Variants in ZNF676 observed in about 807,000 individuals in gnomAD.
The protein encoded by ZNF676 is zinc finger protein 676.
Under a neutral mutation model 6.0 loss-of-function variants are expected in ZNF676, and 4 were observed. The ratio of observed to expected loss-of-function variants is 0.67; its 90% CI spans 0.33 to 1.53. The LOEUF (loss-of-function observed/expected upper bound fraction) is 1.53. Among genes scored for constraint, ZNF676 ranks in the 40% most tolerant of loss-of-function variants. The pLI is 0.06. For missense variants in ZNF676, 644 were observed against 679.7 expected (o/e 0.95, Z 0.58); for synonymous variants, 198 against 223.1 (o/e 0.89, Z 1.00).
the ZNF676 span, among the ~76,000 whole-genome samples, chr19:22,223,054 G>A: frequency 6.6e-6 from 1 of 152,132 alleles, no homozygotes; most frequent in African/African-American, 2.4e-5. Context: ...GGCTACAAAT[G>A]GGTGTCTTCC....
At chr19:22,197,560 T>G (rs2144777074), upstream of ZNF676, among the ~76,000 whole-genome samples, 1 of 152,280 alleles carries the variant, frequency 6.6e-6, no homozygotes, top group South Asian at 2.1e-4. Context: ...AAAGACTATT[T>G]TTTAAAACAT....
the ZNF676 span, among the ~76,000 whole-genome samples, chr19:22,233,951 A>G: frequency 2.0e-5 from 3 of 152,214 alleles, no homozygotes; most frequent in African/African-American, 7.2e-5. Context: ...GTCCATCCAC[A>G]TACCTCTTCC....
At chr19:22,215,939 G>T (rs1364937129), upstream of ZNF676, among the ~76,000 whole-genome samples, 1 of 152,210 alleles carries the variant, frequency 6.6e-6, no homozygotes, top group Non-Finnish European at 1.5e-5. Flanking sequence ...GAGAGCCAAC[G>T]TAGGCTGCAG....
intron 1 of ZNF676, among the ~76,000 whole-genome samples, chr19:22,211,067 C>T (rs1035124258): frequency 6.0e-5 from 9 of 150,200 alleles, no homozygotes; most frequent in Non-Finnish European, 7.4e-5. Flanking sequence ...GTTGGTACTT[C>T]CTCCTGTTGC....
chr19:22,252,825 A>C, the ZNF676 span, among the ~76,000 whole-genome samples: 1 of 152,232 alleles, frequency 6.6e-6, no homozygotes, highest in Non-Finnish European at 1.5e-5. Flanking sequence ...GCTGGTGCAG[A>C]AAGATGTCAC....
At chr19:22,260,282 A>G in the ZNF676 span, among the ~76,000 whole-genome samples, 1 of 152,162 alleles carries the variant, frequency 6.6e-6, no homozygotes, top group South Asian at 2.1e-4. Context: ...AGGCTGAGGT[A>G]GACGGATCAC....
At chr19:22,238,800 C>A in the ZNF676 span, among the ~76,000 whole-genome samples, 1 of 152,186 alleles carries the variant, frequency 6.6e-6, no homozygotes, top group Non-Finnish European at 1.5e-5. Flanking sequence ...GGGCAGGAAG[C>A]ATCCAGCACA....
Position 22,181,862 on chromosome 19 carries a change from C to T in ZNF676, c.131-276G>A, listed in dbSNP as rs2023759401. Among the ~76,000 whole-genome samples the T allele has an allele frequency of 2.6e-5, 4 of 151,800 alleles. No individual in the cohort carries two copies. The South Asian group carries it at 8.3e-4, about 32-fold the overall frequency. On this transcript the variant is annotated intron_variant, in intron 2 of 2. Coordinates refer to ENST00000397121, the MANE Select transcript of ZNF676 (RefSeq NM_001001411.3). ...AAACAAGAAAAGTTTGTTAAATTTA[C>T]CCAATACAACTCTTTCTGCTCCTCA...
the ZNF676 span, among the ~76,000 whole-genome samples, chr19:22,228,918 G>A: frequency 6.6e-6 from 1 of 152,256 alleles, no homozygotes; most frequent in East Asian, 1.9e-4. Flanking sequence ...TCATGAAAAT[G>A]GCCATACTGC....
chr19:22,210,907 G>A (rs1432041342), intron 1 of ZNF676, among the ~76,000 whole-genome samples: 1 of 152,070 alleles, frequency 6.6e-6, no homozygotes, highest in Non-Finnish European at 1.5e-5. Context: ...AGAACACACT[G>A]ACTTCAGGGT....
Position 22,181,460 on chromosome 19 carries a change from G to A in ZNF676, c.257C>T (p.Thr86Ile). 1 of 1,613,460 alleles carries A rather than the reference G, an allele frequency of 6.2e-7. No individual in the cohort carries two copies. The highest frequency in any genetic ancestry group is 8.5e-7 in the Non-Finnish European group (1 of 1,179,740). The change falls in exon 3 of 3, where the codon ACC (threonine) becomes ATC (isoleucine). Residue 86 changes from threonine to isoleucine, a missense_variant. Thr to Ile is a moderately conservative substitution (Grantham distance 89). Around this residue, in one of 5 missense-constraint regions of ZNF676, gnomAD observed 280 missense variants for 269.3 expected, o/e 1.04. Coordinates refer to ENST00000397121, the MANE Select transcript of ZNF676 (RefSeq NM_001001411.3). ...GTGCACGTTACACTCATCCACATTGGTACAACTAATTTTTAAGTGTAAATT... is the reference window on the plus strand; with the variant it reads ...GTGCACGTTACACTCATCCACATTGATACAACTAATTTTTAAGTGTAAATT... ...HENLHLKISC[T>I]NVDECNVHKE...
chr19:22,184,364 G>A (rs536217172), intron 2 of ZNF676, among the ~76,000 whole-genome samples: 1 of 152,302 alleles, frequency 6.6e-6, no homozygotes, highest in South Asian at 2.1e-4. Flanking sequence ...ACAACCCACA[G>A]ACCAGAAGAT....
the ZNF676 span, among the ~76,000 whole-genome samples, chr19:22,223,491 C>T: frequency 6.7e-6 from 1 of 149,628 alleles, no homozygotes; most frequent in Non-Finnish European, 1.5e-5. Context: ...TTCTTGCTGT[C>T]GGGGGATAAG....
the ZNF676 span, among the ~76,000 whole-genome samples, chr19:22,247,148 T>A: frequency 1.3e-5 from 2 of 152,110 alleles, no homozygotes; most frequent in Non-Finnish European, 2.9e-5. Flanking sequence ...GGGTAAAAAA[T>A]GGGATTGGGT....
intron 1 of ZNF676, among the ~76,000 whole-genome samples, chr19:22,212,587 C>A (rs1411802358): frequency 6.6e-6 from 1 of 152,080 alleles, no homozygotes; most frequent in Non-Finnish European, 1.5e-5. Context: ...CACCTGTAGT[C>A]CCAGCTGCTT....
At chr19:22,215,518 AAGG>A (rs2024175409) in intron 1 of ZNF676, 1 of 1,273,056 alleles carries the variant, frequency 7.9e-7, no homozygotes, top group Non-Finnish European at 1.1e-6. Context: ...CGAGCTAGGC[AAGG>A]AGAACTTGTG....
the ZNF676 span, among the ~76,000 whole-genome samples, chr19:22,241,958 G>T: frequency 1.3e-5 from 2 of 151,832 alleles, no homozygotes; most frequent in African/African-American, 2.4e-5. Context: ...GTGCACACAA[G>T]ATAAACAGTC....
At chr19:22,225,612 G>T in the ZNF676 span, among the ~76,000 whole-genome samples, 1 of 152,082 alleles carries the variant, frequency 6.6e-6, no homozygotes, top group African/African-American at 2.4e-5. Flanking sequence ...AATAGATCTG[G>T]TTTTCTTAAA....
chr19:22,234,759 C>A, the ZNF676 span, among the ~76,000 whole-genome samples: 2 of 151,952 alleles, frequency 1.3e-5, no homozygotes, highest in African/African-American at 4.8e-5. Flanking sequence ...CATGGTGAAA[C>A]CCCAAGTCTA....
Sources: gnomAD v4.1 joint callset for allele counts (sites outside exome capture counted in the v4.1 genomes callset) on GRCh38, gnomAD v4.1.1 for gene constraint, gnomAD v4.1.1 regional missense constraint, MANE v1.5 for transcripts, NCBI Gene and HGNC (gene_info 2026-07-23, HGNC 2026-07-21) for gene names.